FANCC: variants seen among roughly 807,000 people sequenced by gnomAD.
FANCC encodes FA complementation group C, also known as Fanconi anemia group C protein.
Under a neutral mutation model 71.3 loss-of-function variants are expected in FANCC, and 55 were observed. That is an observed-to-expected ratio of 0.77 (90% CI 0.62 to 0.97). The LOEUF (loss-of-function observed/expected upper bound fraction) is 0.97, where lower values mean the gene tolerates loss of function less well. Among genes scored for constraint, FANCC ranks in the 50% least tolerant of loss-of-function variants. The pLI is 0.00. For synonymous variants in FANCC, 275 were observed against 244.9 expected, an observed-to-expected ratio of 1.12 and a Z score of -1.15; for missense variants, 678 against 670.9, an observed-to-expected ratio of 1.01 and a Z score of -0.12.
chr9:95,216,547 G>A (rs1204724167), intron 4 of FANCC, among the ~76,000 whole-genome samples: 3 of 152,176 alleles, frequency 2.0e-5, no homozygotes, highest in Non-Finnish European at 4.4e-5. Flanking sequence ...TATTTGTACA[G>A]CCAACCCCTT....
At chr9:95,288,976 C>T (rs1833851687) in intron 1 of FANCC, among the ~76,000 whole-genome samples, 1 of 151,932 alleles carries the variant, frequency 6.6e-6, no homozygotes, top group South Asian at 2.1e-4. Flanking sequence ...TGACACACAC[C>T]AGTAGTCCTA....
At chr9:95,119,581 G>C (rs1489515429) in intron 10 of FANCC, among the ~76,000 whole-genome samples, 1 of 152,066 alleles carries the variant, frequency 6.6e-6, no homozygotes, top group Non-Finnish European at 1.5e-5. Context: ...GGCCAGGATG[G>C]TCTTGATCTC....
intron 13 of FANCC, chr9:95,109,811 C>T (rs1325844272): frequency 6.6e-6 from 1 of 152,202 alleles, no homozygotes; most frequent in African/African-American, 2.4e-5. Context: ...CAATCACATA[C>T]GAATCATGCT....
chr9:95,199,264 TTCC>T (rs1200785575), intron 4 of FANCC, among the ~76,000 whole-genome samples: 1 of 151,922 alleles, frequency 6.6e-6, no homozygotes, highest in African/African-American at 2.4e-5. Flanking sequence ...TTAAAATCCT[TTCC>T]TCCTGCTGCT....
At chr9:95,185,372 T>C (rs1826650318) in intron 4 of FANCC, among the ~76,000 whole-genome samples, 1 of 152,124 alleles carries the variant, frequency 6.6e-6, no homozygotes, top group Non-Finnish European at 1.5e-5. Context: ...AAAAAAGGAG[T>C]CATTATCTTT....
At chr9:95,218,619 A>G (rs558434365) in intron 4 of FANCC, among the ~76,000 whole-genome samples, 1 of 152,348 alleles carries the variant, frequency 6.6e-6, no homozygotes, top group East Asian at 1.9e-4. Context: ...ACATGACTAA[A>G]TGGGGACCAT....
chr9:95,161,068 C>A (rs1362552222), intron 6 of FANCC, among the ~76,000 whole-genome samples: 1 of 152,026 alleles, frequency 6.6e-6, no homozygotes, highest in East Asian at 1.9e-4. Context: ...TAGGTGGGAT[C>A]TTTTTGAAGG....
intron 1 of FANCC, among the ~76,000 whole-genome samples, chr9:95,253,067 A>G (rs1376523477): frequency 6.6e-6 from 1 of 152,142 alleles, no homozygotes; most frequent in Non-Finnish European, 1.5e-5. Flanking sequence ...TGTCTAAAAA[A>G]GAAAAAAAGG....
intron 4 of FANCC, among the ~76,000 whole-genome samples, chr9:95,208,918 TC>T (rs758584923): frequency 1.3e-5 from 2 of 152,130 alleles, no homozygotes; most frequent in African/African-American, 4.8e-5. Flanking sequence ...AAAACTTGTG[TC>T]CCCACAAACA....
intron 3 of FANCC, among the ~76,000 whole-genome samples, chr9:95,247,112 G>C (rs540460891): frequency 6.6e-6 from 1 of 152,266 alleles, no homozygotes; most frequent in South Asian, 2.1e-4. Flanking sequence ...AGTTATGAAA[G>C]TGATTACAGG....
intron 12 of FANCC, among the ~76,000 whole-genome samples, 173 bp from the exon 13 acceptor site, chr9:95,111,810 C>CA (rs2071961591): frequency 6.6e-6 from 1 of 152,246 alleles, no homozygotes; most frequent in Admixed American, 6.5e-5. Flanking sequence ...CGCCACTCTG[C>CA]ACCATCACAG....
chr9:95,299,696 A>G (rs547351956), intron 1 of FANCC, among the ~76,000 whole-genome samples: 2 of 152,300 alleles, frequency 1.3e-5, no homozygotes, highest in East Asian at 3.9e-4. Context: ...CCTCAGCTCT[A>G]CAAAACATCA....
chr9:95,307,180 TC>T, intron 1 of FANCC, among the ~76,000 whole-genome samples: 1 of 152,160 alleles, frequency 6.6e-6, no homozygotes, highest in Non-Finnish European at 1.5e-5. Context: ...GCCCTGTTTT[TC>T]TTTTTTTAAA....
At chr9:95,272,800 G>A (rs1476767366) in intron 1 of FANCC, among the ~76,000 whole-genome samples, 3 of 152,192 alleles carry the variant, frequency 2.0e-5, no homozygotes, top group African/African-American at 7.2e-5. Context: ...ATCATTAAGT[G>A]AGGGATAGGC....
At chr9:95,113,422 AC>A (rs1453193931) in intron 12 of FANCC, among the ~76,000 whole-genome samples, 1 of 152,212 alleles carries the variant, frequency 6.6e-6, no homozygotes, top group African/African-American at 2.4e-5. Flanking sequence ...GTGTTATGAT[AC>A]AAGGAATTTA....
At chr9:95,208,600 G>T (rs1459852570) in intron 4 of FANCC, among the ~76,000 whole-genome samples, 1 of 152,104 alleles carries the variant, frequency 6.6e-6, no homozygotes, top group Non-Finnish European at 1.5e-5. Context: ...TGGACACCTC[G>T]TCAAAGAAGA....
At chr9:95,274,359 CT>C (rs890939616) in intron 1 of FANCC, among the ~76,000 whole-genome samples, 3 of 152,166 alleles carry the variant, frequency 2.0e-5, no homozygotes, top group African/African-American at 7.2e-5. Context: ...TGAACTCACC[CT>C]TTTTTATGGC....
chr9:95,172,679 C>T (rs890934902), intron 4 of FANCC, among the ~76,000 whole-genome samples: 2 of 151,748 alleles, frequency 1.3e-5, no homozygotes, highest in Admixed American at 6.6e-5. Flanking sequence ...TAAATGGTGC[C>T]TCAAAAACTA....
At chr9:95,109,154 C>T (rs754963164) in intron 13 of FANCC, among the ~76,000 whole-genome samples, 2 of 152,160 alleles carry the variant, frequency 1.3e-5, no homozygotes, top group African/African-American at 2.4e-5. Flanking sequence ...TCAAGTGATA[C>T]GGCCACCTCG....
Sources: gnomAD v4.1 joint callset for allele counts (sites outside exome capture counted in the v4.1 genomes callset) on GRCh38, gnomAD v4.1.1 for gene constraint, MANE v1.5 for transcripts, NCBI Gene and HGNC (gene_info 2026-07-23, HGNC 2026-07-21) for gene names.